The following ENTPD7 variants were observed in gnomAD, a reference collection of about 807,000 sequenced individuals.
ENTPD7 encodes the protein ectonucleoside triphosphate diphosphohydrolase 7.
ENTPD7 carries 53 observed loss-of-function variants against 77.9 expected under a neutral mutation model. The observed-to-expected ratio is 0.68, with a 90% CI of 0.55 to 0.85. The LOEUF is 0.85. ENTPD7 is among the 40% of genes least tolerant of loss of function. The pLI, the probability that ENTPD7 is intolerant of heterozygous loss-of-function variation, is 0.00. For missense variants in ENTPD7, 636 were observed against 743.7 expected (o/e 0.86, Z 1.68); for synonymous variants, 248 against 274.9 (o/e 0.90, Z 0.97).
chr10:99,691,779 A>AT lies in ENTPD7; in HGVS notation c.843+262dup, dbSNP rs146737561. On this transcript the variant is annotated intron_variant, in intron 8 of 12. Coordinates refer to ENST00000370489, the MANE Select transcript of ENTPD7 (RefSeq NM_020354.5). Reference sequence around the variant, plus strand: ...TAAAGCATTTAGCAAACTGTCCAGCATAAGTGTTCAATACATTTTAACAAT... The same window carrying AT: ...TAAAGCATTTAGCAAACTGTCCAGCATTAAGTGTTCAATACATTTTAACAAT... 3.2e-3 allele frequency among the ~76,000 whole-genome samples: 492 copies of AT among 152,378 alleles called. 3 individuals are homozygous for AT. The highest frequency in any genetic ancestry group is 0.011 in the African/African-American group (469 of 41,578).
intron 2 of ENTPD7, among the ~76,000 whole-genome samples, chr10:99,661,165 T>C (rs1352298449): frequency 1.3e-5 from 2 of 152,208 alleles, no homozygotes; most frequent in African/African-American, 4.8e-5. Context: ...TCCAATGTTA[T>C]GAGGTTGCCC....
In ENTPD7 at chr10:99,704,595, A is replaced by G. The variant is rs1412273073; in HGVS notation, c.1727A>G (p.His576Arg). The G allele has an allele frequency of 1.4e-5, 23 of 1,614,006 alleles. No homozygotes were observed. The highest frequency in any genetic ancestry group is 5.0e-5 in the Admixed American group (3 of 59,998). ...TACCTTCTGCGGCTACGCCGAATTC[A>G]CCACCGACAAACACGAGCCTCAGCT... ...FLYLLRLRRI[H>R]HRQTRASAPL... is the part of the protein sequence containing the mutation. Residue 576 changes from histidine to arginine, a missense_variant, in exon 13 of 13, where the codon CAC becomes CGC. His to Arg is a conservative substitution (Grantham distance 29). Transcript: ENST00000370489.
chr10:99,688,267 C>T (rs1035392586), intron 6 of ENTPD7, among the ~76,000 whole-genome samples: 1 of 152,082 alleles, frequency 6.6e-6, no homozygotes, highest in African/African-American at 2.4e-5. Flanking sequence ...TAGTTTAAAC[C>T]CTGGTCTCTT....
intron 5 of ENTPD7, among the ~76,000 whole-genome samples, 177 bp from the exon 6 acceptor site, chr10:99,685,615 G>A (rs1275795117): frequency 6.6e-6 from 1 of 152,082 alleles, no homozygotes; most frequent in Non-Finnish European, 1.5e-5. Context: ...GGCTATACCT[G>A]GAGGCAGTTT....
rs183072529 is a variant in ENTPD7, at chr10:99,679,025, G to A, written c.192-236G>A. Among the ~76,000 whole-genome samples the A allele has an allele frequency of 4.6e-5, 7 of 151,752 alleles. No individual in the cohort carries two copies. The East Asian group carries it at 7.7e-4, about 17-fold the overall frequency. ...GCCAGTTTCAGAGCTGCCCCCACAC[G>A]TGGGGACATCTTTTAGTCATCTAAT... On this transcript the variant is annotated intron_variant, in intron 3 of 12. Transcript: ENST00000370489.
rs1218785694 is a variant in ENTPD7 at position 99,710,156 on chromosome 10, G to A, written c.*5473G>A. The A allele has an allele frequency of 2.0e-6, 2 of 985,252 alleles. No homozygotes were observed. Among genetic ancestry groups the A allele is most frequent in the Admixed American group, 6.2e-5 (1 of 16,258 alleles). The allele number at this position is 985,252 out of a possible 1,614,324, so 61.0% of individuals were successfully genotyped here. ...GGCCACTCCTCCTTCTCCACTCCAA[G>A]GCAGCCCTGGTACTTTCCTAAGTGG... On this transcript the variant is annotated 3_prime_UTR_variant, in exon 13 of 13. Transcript: ENST00000370489.
At chr10:99,688,073 C>G (rs1432266052) in intron 6 of ENTPD7, among the ~76,000 whole-genome samples, 2 of 152,132 alleles carry the variant, frequency 1.3e-5, no homozygotes, top group African/African-American at 2.4e-5. Context: ...AAAAAAAAAG[C>G]AGGAGATTTC....
At position 99,708,795 on chromosome 10, in the gene ENTPD7, G is replaced by A; in HGVS notation, c.*4112G>A. 1.0e-6 allele frequency: 1 copy of A among 984,400 alleles called. No homozygotes were observed. The highest frequency in any genetic ancestry group is 1.2e-6 in the Non-Finnish European group (1 of 829,002). The allele number at this position is 984,400 out of a possible 1,614,324, so 61.0% of individuals were successfully genotyped here. A position where few individuals can be genotyped will look rare whatever the true frequency, so the allele number is the denominator to read the frequency against. ...CTGAGGCCTAGAGCAGTTGTAATAT[G>A]TGCAAAGTCATAGTGACTGGCCTCC... is the stretch of plus-strand genomic sequence containing the variant. On this transcript the variant is annotated 3_prime_UTR_variant, in exon 13 of 13. Coordinates refer to ENST00000370489, the MANE Select transcript of ENTPD7 (RefSeq NM_020354.5).
chr10:99,708,360 T>C lies in ENTPD7; in HGVS notation c.*3677T>C, dbSNP rs1223181703. Reference sequence around the variant, plus strand: ...CAGATGCTTCTCACAGTTTTATGTTTTGTTTTTTGTCAGGGATGAAAGACA... The same window carrying C: ...CAGATGCTTCTCACAGTTTTATGTTCTGTTTTTTGTCAGGGATGAAAGACA... On this transcript the variant is annotated 3_prime_UTR_variant, in exon 13 of 13. Coordinates refer to ENST00000370489, the MANE Select transcript of ENTPD7 (RefSeq NM_020354.5). 6.6e-6 allele frequency among the ~76,000 whole-genome samples: 1 copy of C among 152,222 alleles called. No individual in the cohort carries two copies. Among genetic ancestry groups the C allele is most frequent in the African/African-American group, 2.4e-5 (1 of 41,454 alleles).
At chr10:99,679,187 A>G in intron 3 of ENTPD7, 74 bp from the exon 4 acceptor site, 1 of 1,433,642 alleles carries the variant, frequency 7.0e-7, no homozygotes. Context: ...AGATTCATGA[A>G]CAAATGAAGT....
chr10:99,681,410 C>T (rs1471958418), intron 5 of ENTPD7, among the ~76,000 whole-genome samples: 4 of 152,102 alleles, frequency 2.6e-5, no homozygotes, highest in Non-Finnish European at 1.5e-5. Context: ...TCCCAAGTAT[C>T]TGGGACCACA....
At chr10:99,679,955 G>C (rs2035731668) in intron 5 of ENTPD7, 80 bp downstream of exon 5, 1 of 1,506,534 alleles carries the variant, frequency 6.6e-7, no homozygotes, top group Non-Finnish European at 8.9e-7. Context: ...GTCCTCTGTG[G>C]TTCCCTGGTC....
chr10:99,685,592 CT>C (rs1387757751), intron 5 of ENTPD7, among the ~76,000 whole-genome samples, 199 bp from the exon 6 acceptor site: 2 of 152,018 alleles, frequency 1.3e-5, no homozygotes, highest in Non-Finnish European at 2.9e-5. Context: ...ACCATGTTGC[CT>C]TTTAGGTAGG....
chr10:99,706,817 G>T lies in ENTPD7; in HGVS notation c.*2134G>T, dbSNP rs1242620748. On this transcript the variant is annotated 3_prime_UTR_variant, in exon 13 of 13. Coordinates refer to ENST00000370489, the MANE Select transcript of ENTPD7 (RefSeq NM_020354.5). ...GCCTACTCAGGTAACGTTTTCTTTTGCTCTCATCTTGGTTTCCATATACTA... is the reference window on the plus strand; with the variant it reads ...GCCTACTCAGGTAACGTTTTCTTTTTCTCTCATCTTGGTTTCCATATACTA... Among the ~76,000 whole-genome samples the T allele has an allele frequency of 6.6e-6, 1 of 152,088 alleles. No homozygotes were observed. The highest frequency in any genetic ancestry group is 1.5e-5 in the Non-Finnish European group (1 of 68,024).
chr10:99,663,296 CTT>C (rs759128229), intron 3 of ENTPD7, among the ~76,000 whole-genome samples: 48 of 151,972 alleles, frequency 3.2e-4, no homozygotes, highest in Non-Finnish European at 6.0e-4. Context: ...GCTTCACTGT[CTT>C]TTGGCTTGCA....
chr10:99,669,408 G>T (rs554343793), intron 3 of ENTPD7, among the ~76,000 whole-genome samples: 21 of 152,238 alleles, frequency 1.4e-4, no homozygotes, highest in Non-Finnish European at 2.6e-4. Context: ...TTAGAAGCCT[G>T]TCAGGGGGTT....
intron 3 of ENTPD7, among the ~76,000 whole-genome samples, chr10:99,662,377 T>C (rs2035498117): frequency 6.6e-6 from 1 of 152,216 alleles, no homozygotes; most frequent in Admixed American, 6.5e-5. Flanking sequence ...GTGTCATCTT[T>C]AATTATCACA....
At chr10:99,666,072 T>C (rs1205885058) in intron 3 of ENTPD7, among the ~76,000 whole-genome samples, 1 of 151,876 alleles carries the variant, frequency 6.6e-6, no homozygotes, top group Non-Finnish European at 1.5e-5. Context: ...AATTAGGGAG[T>C]GAATGGTGAG....
At chr10:99,685,769 G>A in intron 5 of ENTPD7, 23 bp from the exon 6 acceptor site, 1 of 1,582,804 alleles carries the variant, frequency 6.3e-7, no homozygotes. Flanking sequence ...ACTAACTTTG[G>A]GATTTTTTGT....
Sources: gnomAD v4.1 joint callset for allele counts (sites outside exome capture counted in the v4.1 genomes callset) on GRCh38, gnomAD v4.1.1 for gene constraint, MANE v1.5 for transcripts, NCBI Gene and HGNC (gene_info 2026-07-23, HGNC 2026-07-21) for gene names.